The following LTBP1 variants were observed in gnomAD, a reference collection of about 807,000 sequenced individuals.
LTBP1 encodes the protein latent transforming growth factor beta binding protein 1, also known as latent-transforming growth factor beta-binding protein 1.
LTBP1 carries 129 observed loss-of-function variants against 207.6 expected under a neutral mutation model. The ratio of observed to expected loss-of-function variants is 0.62; its 90% CI spans 0.54 to 0.72. The LOEUF is 0.72. Among genes scored for constraint, LTBP1 ranks in the 30% least tolerant of loss-of-function variants. LTBP1 has a pLI of 0.00. For missense variants in LTBP1, 2,281 were observed against 2,217.2 expected (o/e 1.03, Z -0.58); for synonymous variants, 963 against 833.7 (o/e 1.16, Z -2.67).
At chr2:33,231,370 G>A (rs1490424612) in intron 9 of LTBP1, among the ~76,000 whole-genome samples, 1 of 152,142 alleles carries the variant, frequency 6.6e-6, no homozygotes, top group African/African-American at 2.4e-5. Context: ...TAGATAAAAA[G>A]TTCCTCGGAG....
At chr2:33,257,856 A>G (rs1329518034) in intron 12 of LTBP1, among the ~76,000 whole-genome samples, 3 of 152,200 alleles carry the variant, frequency 2.0e-5, no homozygotes, top group African/African-American at 4.8e-5. Flanking sequence ...TTTAACAACT[A>G]TTTATTTCTG....
At chr2:33,177,987 G>A (rs1318576724) in intron 5 of LTBP1, among the ~76,000 whole-genome samples, 2 of 152,172 alleles carry the variant, frequency 1.3e-5, no homozygotes, top group Non-Finnish European at 2.9e-5. Context: ...CCCCCTGCAA[G>A]TGTTTCTGAT....
In LTBP1 at chr2:32,947,836, TCCGC is replaced by T. The variant is rs570963430; in HGVS notation, c.494+32_494+35del. ...CTGCAGGGGTAAGCCCACACCCCCTTCCGCCCGCCCGCCCGCCTCGCGCGCACCG... is the reference window on the plus strand; with the variant it reads ...CTGCAGGGGTAAGCCCACACCCCCTTCCGCCCGCCCGCCTCGCGCGCACCG... On this transcript the variant is annotated intron_variant, in intron 1 of 33. Coordinates refer to ENST00000404816, the MANE Select transcript of LTBP1 (RefSeq NM_206943.4). 202 of 1,289,196 alleles carry T rather than the reference TCCGC, an allele frequency of 1.6e-4. No homozygotes were observed. The highest frequency in any genetic ancestry group is 3.9e-4 in the South Asian group (14 of 35,728). 79.9% of individuals were successfully genotyped at this position (1,289,196 alleles called of 1,614,324 possible).
chr2:33,123,314 T>C (rs1304926681), intron 4 of LTBP1, among the ~76,000 whole-genome samples: 1 of 152,166 alleles, frequency 6.6e-6, no homozygotes, highest in Non-Finnish European at 1.5e-5. Flanking sequence ...AATGTTCACC[T>C]TCAGTCAGTG....
At chr2:33,205,043 C>A (rs10201412) in intron 7 of LTBP1, among the ~76,000 whole-genome samples, 7,482 of 152,230 alleles carry the variant, frequency 0.049, 603 homozygotes, top group African/African-American at 0.17. Context: ...ATGATGATTT[C>A]TACATCTTTG....
chr2:33,007,537 G>A (rs1289709824), intron 2 of LTBP1, among the ~76,000 whole-genome samples: 1 of 152,226 alleles, frequency 6.6e-6, no homozygotes, highest in Non-Finnish European at 1.5e-5. Context: ...GCTGCTGGCT[G>A]TCATTTTGCC....
intron 3 of LTBP1, among the ~76,000 whole-genome samples, chr2:33,022,265 C>CTTTTTTTTTT (rs3047211): frequency 2.4e-5 from 3 of 125,232 alleles, no homozygotes; most frequent in Admixed American, 8.6e-5. Context: ...CCTCAATCCT[C>CTTTTTTTTTT]TTTTTTTTTT....
At chr2:33,285,877 T>A (rs1001401449) in intron 19 of LTBP1, 2 of 151,984 alleles carry the variant, frequency 1.3e-5, no homozygotes, top group African/African-American at 2.4e-5. Context: ...CAGGGTGATA[T>A]GTCTGTTGAC....
At chr2:33,126,133 C>A (rs552117927) in intron 4 of LTBP1, among the ~76,000 whole-genome samples, 1 of 152,066 alleles carries the variant, frequency 6.6e-6, no homozygotes, top group Admixed American at 6.6e-5. Context: ...AGTTGGCTTC[C>A]CCGAGAGTGA....
intron 7 of LTBP1, among the ~76,000 whole-genome samples, chr2:33,214,150 G>A (rs1365654590): frequency 1.3e-5 from 2 of 152,180 alleles, no homozygotes; most frequent in Non-Finnish European, 2.9e-5. Flanking sequence ...ATGTGAACTG[G>A]TGTCTTACAT....
chr2:33,079,336 CAT>C (rs1373615179), intron 3 of LTBP1, among the ~76,000 whole-genome samples: 1 of 152,110 alleles, frequency 6.6e-6, no homozygotes, highest in African/African-American at 2.4e-5. Context: ...GGAACACACA[CAT>C]GGGGATGGAA....
rs2095386190 is a variant in LTBP1 at position 33,399,383 on chromosome 2, T to C, written c.*838T>C. 1 of 152,256 alleles carries C rather than the reference T, an allele frequency of 6.6e-6. No individual in the cohort carries two copies. The highest frequency in any genetic ancestry group is 1.5e-5 in the Non-Finnish European group (1 of 68,038). 9.4% of individuals were successfully genotyped at this position (152,256 alleles called of 1,614,324 possible). A position where few individuals can be genotyped will look rare whatever the true frequency, so the allele number is the denominator to read the frequency against. On this transcript the variant is annotated 3_prime_UTR_variant, in exon 34 of 34. Coordinates refer to ENST00000404816, the MANE Select transcript of LTBP1 (RefSeq NM_206943.4). ...AAAAAATTCTACCTGAGAGTAATTGTCAATGAGTACATGTGTATAAGTTGT... is the reference window on the plus strand; with the variant it reads ...AAAAAATTCTACCTGAGAGTAATTGCCAATGAGTACATGTGTATAAGTTGT...
intron 31 of LTBP1, among the ~76,000 whole-genome samples, chr2:33,371,168 C>T (rs1397046296): frequency 1.3e-5 from 2 of 152,172 alleles, no homozygotes; most frequent in African/African-American, 4.8e-5. Context: ...CTTAGGATCC[C>T]ATTTCAATGC....
intron 2 of LTBP1, among the ~76,000 whole-genome samples, chr2:33,015,509 A>T (rs1385353168): frequency 6.6e-6 from 1 of 152,164 alleles, no homozygotes; most frequent in Non-Finnish European, 1.5e-5. Context: ...AAGTCACTTA[A>T]CTGACCTCAC....
chr2:33,243,877 T>C lies in LTBP1; in HGVS notation c.1999+93T>C. On this transcript the variant is annotated intron_variant, in intron 10 of 33. Transcript: ENST00000404816. ...AAATACTCAGTGGCCAACTGAATGC[T>C]TGTAAATATACAGGAAAACCTCATT... 10 of 1,397,626 alleles carry C rather than the reference T, an allele frequency of 7.2e-6. No homozygotes were observed. In the South Asian group the frequency reaches 9.0e-5, roughly 13 times the overall value. 86.6% of individuals were successfully genotyped at this position (1,397,626 alleles called of 1,614,324 possible).
At chr2:33,159,556 G>A (rs769815235) in intron 5 of LTBP1, among the ~76,000 whole-genome samples, 7 of 152,126 alleles carry the variant, frequency 4.6e-5, no homozygotes, top group Non-Finnish European at 1.0e-4. Context: ...TCTGGTGATT[G>A]TGCTTCTAAC....
At chr2:33,195,652 C>T (rs2088459727) in intron 7 of LTBP1, among the ~76,000 whole-genome samples, 1 of 151,586 alleles carries the variant, frequency 6.6e-6, no homozygotes, top group South Asian at 2.1e-4. Context: ...ATGCTGTGAA[C>T]ATTGTGAAAT....
At chr2:33,219,815 G>A (rs527846819) in intron 8 of LTBP1, among the ~76,000 whole-genome samples, 3 of 152,080 alleles carry the variant, frequency 2.0e-5, no homozygotes, top group East Asian at 3.9e-4. Flanking sequence ...AAGTAGCAGG[G>A]ATGTGATAGA....
At chr2:33,177,965 C>A (rs2086226563) in intron 5 of LTBP1, among the ~76,000 whole-genome samples, 1 of 152,170 alleles carries the variant, frequency 6.6e-6, no homozygotes, top group Non-Finnish European at 1.5e-5. Flanking sequence ...TGCTTACCTG[C>A]ACCCCTCTGT....
Sources: gnomAD v4.1 joint callset for allele counts (sites outside exome capture counted in the v4.1 genomes callset) on GRCh38, gnomAD v4.1.1 for gene constraint, MANE v1.5 for transcripts, NCBI Gene and HGNC (gene_info 2026-07-23, HGNC 2026-07-21) for gene names.